Variants in ADARB2 observed in about 807,000 individuals in gnomAD.
ADARB2 encodes the protein inactive double-stranded RNA-specific editase B2.
In ADARB2, 25 loss-of-function variants were observed where a neutral mutation model predicts 62.2. The ratio of observed to expected loss-of-function variants is 0.40; its 90% CI spans 0.29 to 0.56. The LOEUF (loss-of-function observed/expected upper bound fraction) is 0.56. Ranked by LOEUF, ADARB2 falls within the 20% of genes least tolerant of loss-of-function variation. The pLI is 0.43. For synonymous variants in ADARB2, 572 were observed against 500.8 expected (o/e 1.14, Z -1.90); for missense variants, 1,071 against 1,077.4 (o/e 0.99, Z 0.08).
intron 4 of ADARB2, among the ~76,000 whole-genome samples, chr10:1,270,042 G>C (rs1281066256): frequency 2.0e-5 from 3 of 152,172 alleles, no homozygotes; most frequent in South Asian, 4.1e-4. Context: ...TAAGAAAGCA[G>C]CTTCATTTTC....
chr10:1,244,192 A>G (rs550090203), intron 4 of ADARB2, among the ~76,000 whole-genome samples: 15 of 152,344 alleles, frequency 9.8e-5, no homozygotes, highest in African/African-American at 3.4e-4. Context: ...GGGAGCCACC[A>G]TCTCACTCAG....
Position 1,263,025 on chromosome 10 carries a change from A to G in ADARB2, c.1192+7930T>C, listed in dbSNP as rs9665732. On this transcript the variant is annotated intron_variant, in intron 4 of 9. Coordinates refer to ENST00000381312, the MANE Select transcript of ADARB2 (RefSeq NM_018702.4). ...AAACCATCATTCTCAGCAAACTATC[A>G]CAAGGACAAAAAACCAAACACTGCA... 6.3e-4 allele frequency among the ~76,000 whole-genome samples: 95 copies of G among 151,492 alleles called. 1 individual carries two copies. Among genetic ancestry groups the G allele is most frequent in the African/African-American group, 2.2e-3 (92 of 41,316 alleles).
At position 1,643,816 on chromosome 10, in the gene ADARB2, C is replaced by A. The variant is rs80227033; in HGVS notation, c.100+93235G>T. ...TCTGCAGAAACCCAATCCCAGATCT[C>A]TAATTCCAATCCTGAGAATGATTGG... On this transcript the variant is annotated intron_variant, in intron 1 of 9. Transcript: ENST00000381312. 5.1e-4 allele frequency among the ~76,000 whole-genome samples: 77 copies of A among 152,306 alleles called. No homozygotes were observed. The East Asian group carries it at 0.013, about 26-fold the overall frequency.
intron 6 of ADARB2, among the ~76,000 whole-genome samples, chr10:1,221,229 G>A (rs567523524): frequency 6.6e-6 from 1 of 152,068 alleles, no homozygotes; most frequent in Non-Finnish European, 1.5e-5. Flanking sequence ...CCTGACTGCT[G>A]TGTCTACATA....
chr10:1,552,013 C>T (rs1422895509), intron 1 of ADARB2, among the ~76,000 whole-genome samples: 2 of 152,084 alleles, frequency 1.3e-5, no homozygotes, highest in Admixed American at 1.3e-4. Flanking sequence ...CAGGTGGCCT[C>T]CTGCGTGGAG....
At chr10:1,628,912 G>A (rs1327138353) in intron 1 of ADARB2, among the ~76,000 whole-genome samples, 7 of 152,354 alleles carry the variant, frequency 4.6e-5, no homozygotes, top group South Asian at 2.1e-4. Flanking sequence ...CCTGGTGTCC[G>A]TTGGGTTCTG....
intron 1 of ADARB2, among the ~76,000 whole-genome samples, chr10:1,573,962 C>T (rs1271092316): frequency 6.6e-6 from 1 of 152,252 alleles, no homozygotes; most frequent in African/African-American, 2.4e-5. Context: ...CATCTCTTAA[C>T]CTTTTGGGGC....
At chr10:1,475,446 C>G (rs1370902159) in intron 1 of ADARB2, among the ~76,000 whole-genome samples, 2 of 152,186 alleles carry the variant, frequency 1.3e-5, no homozygotes, top group African/African-American at 4.8e-5. Context: ...CGGGCCCCAG[C>G]GGCCTCCTCT....
At chr10:1,618,322 T>C (rs918081102) in intron 1 of ADARB2, among the ~76,000 whole-genome samples, 1 of 152,202 alleles carries the variant, frequency 6.6e-6, no homozygotes, top group African/African-American at 2.4e-5. Context: ...ATTATAACTG[T>C]TTAGTGGATA....
intron 3 of ADARB2, among the ~76,000 whole-genome samples, chr10:1,339,201 G>T (rs1312676185): frequency 2.0e-5 from 3 of 152,216 alleles, no homozygotes; most frequent in Admixed American, 6.5e-5. Flanking sequence ...GCCCAGCATA[G>T]CCTCTTCTCA....
At chr10:1,587,214 A>G (rs1024317966) in intron 1 of ADARB2, among the ~76,000 whole-genome samples, 1 of 152,244 alleles carries the variant, frequency 6.6e-6, no homozygotes, top group Non-Finnish European at 1.5e-5. Context: ...CCTCAAAAAC[A>G]AAACAACAAA....
At chr10:1,729,452 G>C (rs1019271424) in intron 1 of ADARB2, among the ~76,000 whole-genome samples, 40 of 152,154 alleles carry the variant, frequency 2.6e-4, no homozygotes, top group African/African-American at 9.7e-4. Context: ...GCTCCAGACA[G>C]GGATGAGTGA....
intron 1 of ADARB2, chr10:1,675,287 C>G: frequency 2.1e-6 from 2 of 970,824 alleles, no homozygotes; most frequent in African/African-American, 3.8e-5. Context: ...TTCAGGGATG[C>G]ATGGATGTTC....
intron 1 of ADARB2, among the ~76,000 whole-genome samples, chr10:1,583,186 A>T (rs1334475952): frequency 1.1e-5 from 1 of 91,488 alleles, no homozygotes; most frequent in Non-Finnish European, 2.3e-5. Flanking sequence ...GTCACATTTC[A>T]ATATGCAGTG....
At chr10:1,219,874 T>C (rs1830668188) in intron 6 of ADARB2, among the ~76,000 whole-genome samples, 1 of 151,282 alleles carries the variant, frequency 6.6e-6, no homozygotes, top group Non-Finnish European at 1.5e-5. Context: ...GTAATGGTGG[T>C]GGTGATGATG....
intron 3 of ADARB2, among the ~76,000 whole-genome samples, chr10:1,319,906 A>G (rs753847349): frequency 3.9e-5 from 6 of 152,190 alleles, no homozygotes; most frequent in Non-Finnish European, 8.8e-5. Context: ...GGACTACTGG[A>G]CCAATATGTG....
chr10:1,399,952 T>G (rs1292137650), intron 1 of ADARB2, among the ~76,000 whole-genome samples: 1 of 152,248 alleles, frequency 6.6e-6, no homozygotes, highest in African/African-American at 2.4e-5. Flanking sequence ...TGGCCTGTGC[T>G]TGGGAGGTGC....
At chr10:1,709,822 C>T (rs1412226259) in intron 1 of ADARB2, among the ~76,000 whole-genome samples, 1 of 152,214 alleles carries the variant, frequency 6.6e-6, no homozygotes, top group African/African-American at 2.4e-5. Flanking sequence ...CTTAGCAGCT[C>T]AGCTGTGTTA....
chr10:1,357,096 T>C (rs574368356), intron 3 of ADARB2, among the ~76,000 whole-genome samples: 1 of 151,952 alleles, frequency 6.6e-6, no homozygotes, highest in East Asian at 1.9e-4. Context: ...GTTAAAAGAG[T>C]TCCTGTCAGC....
Sources: gnomAD v4.1 joint callset for allele counts (sites outside exome capture counted in the v4.1 genomes callset) on GRCh38, gnomAD v4.1.1 for gene constraint, MANE v1.5 for transcripts, NCBI Gene and HGNC (gene_info 2026-07-23, HGNC 2026-07-21) for gene names.